CELF2: variants seen among roughly 807,000 people sequenced by gnomAD.
The protein encoded by CELF2 is CUGBP Elav-like family member 2.
Under a neutral mutation model 62.6 loss-of-function variants are expected in CELF2, and 8 were observed. The ratio of observed to expected loss-of-function variants is 0.13; its 90% CI spans 0.07 to 0.23. The LOEUF (loss-of-function observed/expected upper bound fraction) is 0.23. CELF2 is among the 10% of genes least tolerant of loss of function. The pLI, the probability that CELF2 is intolerant of heterozygous loss-of-function variation, is 1.00. For synonymous variants in CELF2, 258 were observed against 250.0 expected, an observed-to-expected ratio of 1.03 and a Z score of -0.30; for missense variants, 333 against 671.0, an observed-to-expected ratio of 0.50 and a Z score of 5.56.
chr10:11,040,617 A>G (rs1341585142), intron 1 of CELF2, among the ~76,000 whole-genome samples: 1 of 152,114 alleles, frequency 6.6e-6, no homozygotes, highest in African/African-American at 2.4e-5. Context: ...TGGTTCAACA[A>G]ATGCTTTTAA....
the CELF2 span, among the ~76,000 whole-genome samples, chr10:10,682,152 G>A: frequency 5.2e-4 from 79 of 152,224 alleles, 1 homozygote; most frequent in Non-Finnish European, 1.5e-4. Context: ...GGACCACCCC[G>A]AGTAAAATCT....
intron 2 of CELF2, among the ~76,000 whole-genome samples, chr10:10,939,243 G>C (rs1464794928): frequency 7.4e-6 from 1 of 135,388 alleles, no homozygotes; most frequent in Non-Finnish European, 1.6e-5. Context: ...CTAGGCTGTA[G>C]TGCTTGATAA....
chr10:11,323,952 C>T (rs1199015089), intron 11 of CELF2, among the ~76,000 whole-genome samples: 4 of 148,466 alleles, frequency 2.7e-5, no homozygotes, highest in African/African-American at 1.0e-4. Context: ...ATATTAAAAA[C>T]TCGGGGGATA....
At position 11,324,914 on chromosome 10, in the gene CELF2, C is replaced by T. The variant is rs1436395152; in HGVS notation, c.1295-922C>T. ...CACCAGTTCTGTGAGCGCCCCTCCT[C>T]GGAAGACTCCATGCCTGGAACGCCC... On this transcript the variant is annotated intron_variant, in intron 11 of 12. Transcript: ENST00000633077. This position sits in a 1 kb window ranked among gnomAD's most constrained non-coding sequence, Gnocchi z 4.7. Among the ~76,000 whole-genome samples the T allele has an allele frequency of 1.3e-5, 2 of 152,148 alleles. No homozygotes were observed. The highest frequency in any genetic ancestry group is 2.4e-5 in the African/African-American group (1 of 41,420).
At chr10:10,781,766 C>A in the CELF2 span, among the ~76,000 whole-genome samples, 1 of 152,166 alleles carries the variant, frequency 6.6e-6, no homozygotes, top group African/African-American at 2.4e-5. Context: ...GCTGGTCCCA[C>A]AATGACAAAA....
In CELF2 at chr10:11,330,277, C is replaced by T. The variant is rs1412898912; in HGVS notation, c.*1224C>T. 6.6e-6 allele frequency: 1 copy of T among 152,598 alleles called. No homozygotes were observed. The highest frequency in any genetic ancestry group is 2.4e-5 in the African/African-American group (1 of 41,418). The allele number at this position is 152,598 out of a possible 1,614,324, so 9.5% of individuals were successfully genotyped here. ...GTTTCGCTCTCTCCAGATGGATTCT[C>T]TTGGGGTTTCATTGTGCTGTGGATA... On this transcript the variant is annotated 3_prime_UTR_variant, in exon 13 of 13. Coordinates refer to ENST00000633077, the MANE Select transcript of CELF2 (RefSeq NM_001326342.2). This position sits in a 1 kb window ranked among gnomAD's most constrained non-coding sequence, Gnocchi z 4.5.
At chr10:10,714,849 G>A in the CELF2 span, among the ~76,000 whole-genome samples, 3 of 151,038 alleles carry the variant, frequency 2.0e-5, no homozygotes, top group South Asian at 2.1e-4. Flanking sequence ...CACTCCAAAC[G>A]AACTTAATAC....
rs2096025206 is a variant in CELF2, at chr10:11,331,702, G to GATGT, written c.*2650_*2653dup. The GATGT allele has an allele frequency of 6.6e-6, 1 of 152,374 alleles. No individual in the cohort carries two copies. Among genetic ancestry groups the GATGT allele is most frequent in the Non-Finnish European group, 1.5e-5 (1 of 67,986 alleles). The allele number at this position is 152,374 out of a possible 1,614,324, so 9.4% of individuals were successfully genotyped here. On this transcript the variant is annotated 3_prime_UTR_variant, in exon 13 of 13. Coordinates refer to ENST00000633077, the MANE Select transcript of CELF2 (RefSeq NM_001326342.2). ...TTGTTATTGTTTGTTATTTCTCTCT[G>GATGT]ATGTTTTTTGTAAGACATTGTATAA... is the stretch of plus-strand genomic sequence containing the variant.
intron 1 of CELF2, among the ~76,000 whole-genome samples, chr10:11,021,247 TGA>T (rs1361943864): frequency 6.6e-6 from 1 of 152,226 alleles, no homozygotes; most frequent in Non-Finnish European, 1.5e-5. Flanking sequence ...AATAAGACAC[TGA>T]GAAGAGTCTA....
chr10:10,945,969 T>C (rs1246287837), intron 2 of CELF2: 3 of 152,620 alleles, frequency 2.0e-5, no homozygotes, highest in African/African-American at 4.8e-5. Context: ...TTTATACAAA[T>C]TGTGTAGCAG....
At chr10:10,788,755 G>A in the CELF2 span, among the ~76,000 whole-genome samples, 2 of 152,114 alleles carry the variant, frequency 1.3e-5, no homozygotes, top group African/African-American at 4.8e-5. Context: ...GAGCCACCCT[G>A]CCCAGCCTCT....
chr10:10,918,160 A>G (rs1304154820), intron 1 of CELF2, among the ~76,000 whole-genome samples: 1 of 152,234 alleles, frequency 6.6e-6, no homozygotes, highest in Admixed American at 6.5e-5. Flanking sequence ...ACAGAAAGAT[A>G]AAGGATAAAA....
the CELF2 span, among the ~76,000 whole-genome samples, chr10:10,530,231 A>G: frequency 1.3e-5 from 2 of 152,302 alleles, no homozygotes; most frequent in Admixed American, 1.3e-4. Context: ...AAGAGGAGGA[A>G]TGAGTCCACC....
At chr10:10,675,661 TC>T in the CELF2 span, among the ~76,000 whole-genome samples, 1 of 152,240 alleles carries the variant, frequency 6.6e-6, no homozygotes, top group East Asian at 1.9e-4. Context: ...CAGTCTTTGT[TC>T]TCTTTGCTTT....
intron 2 of CELF2, among the ~76,000 whole-genome samples, chr10:10,935,740 T>C (rs2066558690): frequency 6.6e-6 from 1 of 152,248 alleles, no homozygotes; most frequent in Non-Finnish European, 1.5e-5. Flanking sequence ...TTAGGAATTC[T>C]CATAATCCAG....
the CELF2 span, among the ~76,000 whole-genome samples, chr10:10,658,017 AACATGC>A: frequency 6.6e-6 from 1 of 152,226 alleles, no homozygotes. Flanking sequence ...TTGCAAACTT[AACATGC>A]CACTATGAAA....
intron 1 of CELF2, among the ~76,000 whole-genome samples, chr10:11,108,661 C>G (rs1349112070): frequency 6.6e-6 from 1 of 152,134 alleles, no homozygotes; most frequent in African/African-American, 2.4e-5. Context: ...ATGACTGGAC[C>G]CATTCATACT....
intron 2 of CELF2, among the ~76,000 whole-genome samples, chr10:11,208,606 T>A (rs1359836083): frequency 6.6e-6 from 1 of 152,248 alleles, no homozygotes; most frequent in Admixed American, 6.5e-5. Context: ...GGGGGTCTTA[T>A]GACCTACAGT....
At chr10:11,194,351 A>T (rs970200972) in intron 2 of CELF2, among the ~76,000 whole-genome samples, 1 of 152,230 alleles carries the variant, frequency 6.6e-6, no homozygotes, top group Non-Finnish European at 1.5e-5. Flanking sequence ...GGTGTGAGCC[A>T]CCACACCCAG....
Sources: allele counts gnomAD v4.1 joint callset (sites outside exome capture counted in the v4.1 genomes callset), GRCh38; gene constraint gnomAD v4.1.1; non-coding constraint Gnocchi (gnomAD v3.1); transcripts MANE v1.5; gene names NCBI Gene and HGNC (gene_info 2026-07-23, HGNC 2026-07-21).